ROR1: variants seen among roughly 807,000 people sequenced by gnomAD.
ROR1 encodes the protein ROR family WNT receptor 1, also known as inactive tyrosine-protein kinase transmembrane receptor ROR1.
ROR1 carries 19 observed loss-of-function variants against 78.8 expected under a neutral mutation model. The observed-to-expected ratio is 0.24, with a 90% confidence interval of 0.17 to 0.35. The LOEUF is 0.35. ROR1 is among the 10% of genes least tolerant of loss of function. The probability of loss-of-function intolerance (pLI) is 1.00; values close to 1 mark genes in which losing one functional copy is unlikely to be tolerated. For missense variants in ROR1, 917 were observed against 1,177.8 expected, an observed-to-expected ratio of 0.78 and a Z score of 3.24; for synonymous variants, 386 against 433.6, an observed-to-expected ratio of 0.89 and a Z score of 1.36.
At chr1:64,137,590 C>T (rs536414215) in intron 5 of ROR1, 94 bp downstream of exon 5, 4 of 1,283,330 alleles carry the variant, frequency 3.1e-6, no homozygotes, top group African/African-American at 1.5e-5. Flanking sequence ...AAGGATTAAG[C>T]TCAGCATGGA....
intron 1 of ROR1, among the ~76,000 whole-genome samples, chr1:63,948,631 A>G (rs932680495): frequency 9.2e-5 from 14 of 152,156 alleles, no homozygotes; most frequent in Non-Finnish European, 1.9e-4. Flanking sequence ...CTCTGCTGCC[A>G]CGGATTCTTA....
rs866403959 is a variant in ROR1, at chr1:63,845,719, C to A, written c.91+71211C>A. ...CATTATTGTGTTCTGATCTCTGATA[C>A]CTGCATGCATCTTCATAGTAACTTC... On this transcript the variant is annotated intron_variant, in intron 1 of 8. Coordinates refer to ENST00000371079, the MANE Select transcript of ROR1 (RefSeq NM_005012.4). Among the ~76,000 whole-genome samples the A allele has an allele frequency of 2.0e-5, 3 of 152,156 alleles. No homozygotes were observed. The South Asian group carries it at 6.2e-4, about 31-fold the overall frequency.
At chr1:63,947,774 G>C (rs1255028419) in intron 1 of ROR1, among the ~76,000 whole-genome samples, 1 of 152,178 alleles carries the variant, frequency 6.6e-6, no homozygotes, top group Non-Finnish European at 1.5e-5. Context: ...ATGATCCCCA[G>C]TTGGGTCTTG....
chr1:63,962,819 A>T (rs1646040675), intron 1 of ROR1, among the ~76,000 whole-genome samples: 1 of 152,148 alleles, frequency 6.6e-6, no homozygotes, highest in South Asian at 2.1e-4. Context: ...ATGTGATGGG[A>T]TACACCCGTG....
At chr1:64,173,059 T>A (rs1650282875) in intron 8 of ROR1, among the ~76,000 whole-genome samples, 1 of 152,192 alleles carries the variant, frequency 6.6e-6, no homozygotes, top group Non-Finnish European at 1.5e-5. Context: ...ATAGTTAGGA[T>A]TCATTTGTAC....
chr1:64,170,546 G>A (rs980497886), intron 8 of ROR1, among the ~76,000 whole-genome samples: 4 of 152,138 alleles, frequency 2.6e-5, no homozygotes, highest in African/African-American at 7.2e-5. Context: ...ACATGCCTTG[G>A]AGACATTTTC....
chr1:63,949,738 T>G (rs1221545467), intron 1 of ROR1, among the ~76,000 whole-genome samples: 2 of 152,090 alleles, frequency 1.3e-5, no homozygotes, highest in African/African-American at 4.8e-5. Flanking sequence ...TCATGCCATT[T>G]TCAGACATGC....
chr1:63,921,648 A>G (rs1165388422), intron 1 of ROR1, among the ~76,000 whole-genome samples: 1 of 122,276 alleles, frequency 8.2e-6, no homozygotes, highest in Non-Finnish European at 1.6e-5. Context: ...TAGGAACATG[A>G]CTGATAAGGT....
At chr1:63,923,467 G>A (rs1016465764) in intron 1 of ROR1, among the ~76,000 whole-genome samples, 2 of 151,986 alleles carry the variant, frequency 1.3e-5, no homozygotes, top group Non-Finnish European at 2.9e-5. Flanking sequence ...GAGGATTGTT[G>A]TAGCTTACTT....
intron 1 of ROR1, among the ~76,000 whole-genome samples, chr1:63,992,949 A>G (rs1557599094): frequency 6.6e-6 from 1 of 151,970 alleles, no homozygotes; most frequent in Non-Finnish European, 1.5e-5. Context: ...GCATCTCTTA[A>G]CCCATGTCTT....
chr1:63,971,066 G>A (rs538060516), intron 1 of ROR1, among the ~76,000 whole-genome samples: 42 of 152,202 alleles, frequency 2.8e-4, no homozygotes, highest in Non-Finnish European at 5.6e-4. Flanking sequence ...AGTACAGATG[G>A]GGGTCAGTCC....
intron 1 of ROR1, among the ~76,000 whole-genome samples, chr1:63,825,155 C>G (rs925470664): frequency 1.3e-5 from 2 of 152,124 alleles, no homozygotes; most frequent in Non-Finnish European, 2.9e-5. Flanking sequence ...TAGCATATGA[C>G]CCAGGAGCTC....
At chr1:64,136,669 T>A (rs1649112770) in intron 4 of ROR1, among the ~76,000 whole-genome samples, 1 of 152,064 alleles carries the variant, frequency 6.6e-6, no homozygotes, top group African/African-American at 2.4e-5. Context: ...CCCCTCCTTA[T>A]AAAAAAAGTC....
Position 64,178,031 on chromosome 1 carries a change from A to G in ROR1, c.1990A>G (p.Ile664Val), listed in dbSNP as rs777308172. 1.9e-6 allele frequency: 3 copies of G among 1,614,086 alleles called. No individual in the cohort carries two copies. The highest frequency in any genetic ancestry group is 2.5e-6 in the Non-Finnish European group (3 of 1,180,042). Residue 664 changes from isoleucine to valine, a missense_variant, in exon 9 of 9, where the codon ATC becomes GTC. By Grantham distance (29) the Ile-to-Val change is conservative. Around this residue, in one of 3 missense-constraint regions of ROR1, gnomAD observed 835 missense variants for 1,069.8 expected, o/e 0.78. Coordinates refer to ENST00000371079, the MANE Select transcript of ROR1 (RefSeq NM_005012.4). The surrounding 1 kb of genome is among the most constrained non-coding windows in gnomAD (Gnocchi z 4.3). The part of the protein sequence containing the change: ...LPIRWMPPEA[I>V]MYGKFSSDSD... ...CATTCGCTGGATGCCCCCTGAAGCCATCATGTATGGCAAATTCTCTTCTGA... is the reference window on the plus strand; with the variant it reads ...CATTCGCTGGATGCCCCCTGAAGCCGTCATGTATGGCAAATTCTCTTCTGA...
chr1:64,012,813 A>C (rs947361175), intron 2 of ROR1, among the ~76,000 whole-genome samples: 2 of 152,224 alleles, frequency 1.3e-5, no homozygotes, highest in African/African-American at 4.8e-5. Context: ...CAAAAAAGGC[A>C]TATTTCAAAA....
intron 1 of ROR1, among the ~76,000 whole-genome samples, chr1:63,855,600 A>C (rs1645142791): frequency 6.6e-6 from 1 of 150,974 alleles, no homozygotes. Context: ...TCCCATCCAG[A>C]GTATTTTTCA....
At chr1:64,073,102 C>T (rs1275607192) in intron 4 of ROR1, among the ~76,000 whole-genome samples, 3 of 152,184 alleles carry the variant, frequency 2.0e-5, no homozygotes, top group African/African-American at 4.8e-5. Flanking sequence ...AAATTCCAGG[C>T]TTCATCTCCA....
chr1:63,866,895 C>T (rs1451580022), intron 1 of ROR1, among the ~76,000 whole-genome samples: 1 of 151,940 alleles, frequency 6.6e-6, no homozygotes, highest in Non-Finnish European at 1.5e-5. Context: ...TTTGATAGTC[C>T]AGGTTTTTTT....
At chr1:64,113,108 C>T (rs1267022532) in intron 4 of ROR1, among the ~76,000 whole-genome samples, 2 of 152,220 alleles carry the variant, frequency 1.3e-5, no homozygotes, top group Non-Finnish European at 2.9e-5. Context: ...CCTCACTTAA[C>T]CCTGCTCTCA....
Sources: gnomAD v4.1 joint callset for allele counts (sites outside exome capture counted in the v4.1 genomes callset) on GRCh38, gnomAD v4.1.1 for gene constraint, gnomAD v4.1.1 regional missense constraint, Gnocchi (gnomAD v3.1) non-coding constraint, MANE v1.5 for transcripts, NCBI Gene and HGNC (gene_info 2026-07-23, HGNC 2026-07-21) for gene names.